Variants in GFM1 observed in about 807,000 individuals in gnomAD.
GFM1 encodes the protein G elongation factor mitochondrial 1, also known as elongation factor G, mitochondrial.
A neutral mutation model predicts 96.2 loss-of-function variants in GFM1; 62 were observed. That is an observed-to-expected ratio of 0.64 (90% CI 0.53 to 0.80). GFM1 has a LOEUF of 0.80. GFM1 is among the 30% of genes least tolerant of loss of function. GFM1 has a pLI of 0.00. For missense variants in GFM1, 852 were observed against 916.6 expected (o/e 0.93, Z 0.91); for synonymous variants, 282 against 312.9 (o/e 0.90, Z 1.04).
Position 158,646,719 on chromosome 3 carries a change from C to G in GFM1, c.368-24C>G, listed in dbSNP as rs1721835417. 1.9e-6 allele frequency: 3 copies of G among 1,593,746 alleles called. No homozygotes were observed. In the East Asian group the frequency reaches 6.7e-5, roughly 36 times the overall value. On this transcript the variant is annotated intron_variant, in intron 3 of 17. Transcript: ENST00000486715. ...AAAAATTCAGATTGCTCTTTAAGAC[C>G]CTCTCATACTTCATCTTATTCAGGG...
At chr3:158,683,714 G>A (rs919090972) in intron 14 of GFM1, among the ~76,000 whole-genome samples, 4 of 152,126 alleles carry the variant, frequency 2.6e-5, no homozygotes, top group Non-Finnish European at 5.9e-5. Context: ...CTTCCTCATT[G>A]TAAAATTAAG....
At chr3:158,682,249 A>G (rs975866894) in intron 14 of GFM1, 92 bp downstream of exon 14, 24 of 1,109,092 alleles carry the variant, frequency 2.2e-5, no homozygotes, top group Admixed American at 1.0e-4. Context: ...CATGTTGTCT[A>G]TCACAGTTTG....
At chr3:158,669,304 G>A in intron 13 of GFM1, 1 of 1,187,340 alleles carries the variant, frequency 8.4e-7, no homozygotes, top group South Asian at 1.6e-5. Flanking sequence ...GATTGGATTA[G>A]AAATGAGTAT....
rs746652722 is a variant in GFM1 at position 158,691,170 on chromosome 3, C to G, written c.2102C>G (p.Thr701Ser). Residue 701 changes from threonine (T) to serine (S), a missense_variant, in exon 17 of 18, where the codon ACT becomes AGT. By Grantham distance (58) the Thr-to-Ser change is moderately conservative. Coordinates refer to ENST00000486715, the MANE Select transcript of GFM1 (RefSeq NM_024996.7). ...VPLNDMFGYSTELRSCTEGKG... is the reference protein window; with the variant it reads ...VPLNDMFGYSSELRSCTEGKG... ...CTAAATGATATGTTTGGTTATTCCACTGAACTTAGGTCATGCACAGAGGTA... is the reference window on the plus strand; with the variant it reads ...CTAAATGATATGTTTGGTTATTCCAGTGAACTTAGGTCATGCACAGAGGTA... 10 of 1,612,616 alleles carry G rather than the reference C, an allele frequency of 6.2e-6. No homozygotes were observed. The highest frequency in any genetic ancestry group is 7.6e-6 in the Non-Finnish European group (9 of 1,178,734).
chr3:158,682,974 G>A (rs1018421836), intron 14 of GFM1, among the ~76,000 whole-genome samples: 13 of 151,774 alleles, frequency 8.6e-5, no homozygotes, highest in Admixed American at 8.5e-4. Flanking sequence ...GATGGAGACT[G>A]TGGTGAGCTG....
rs546301939 is a variant in GFM1, at chr3:158,694,350, T to C, written c.*2883T>C. 1.3e-5 allele frequency among the ~76,000 whole-genome samples: 2 copies of C among 152,328 alleles called. No homozygotes were observed. Among genetic ancestry groups the C allele is most frequent in the South Asian group, 4.1e-4 (2 of 4,828 alleles). ...TAGGAAAAGAAAACCAAATACTGCATGTTCTCACTTATAAGTGGGAGCTAA... is the reference window on the plus strand; with the variant it reads ...TAGGAAAAGAAAACCAAATACTGCACGTTCTCACTTATAAGTGGGAGCTAA... On this transcript the variant is annotated 3_prime_UTR_variant, in exon 18 of 18. Transcript: ENST00000486715.
intron 14 of GFM1, chr3:158,682,443 A>G (rs879369520): frequency 2.8e-6 from 1 of 358,348 alleles, no homozygotes; most frequent in Non-Finnish European, 5.2e-6. Context: ...ATCAATTTGT[A>G]GTAGTTCTTA....
intron 5 of GFM1, 106 bp downstream of exon 5, chr3:158,649,263 A>C (rs1483073782): frequency 3.1e-6 from 2 of 655,692 alleles, no homozygotes; most frequent in African/African-American, 3.7e-5. Context: ...TTGAAATGCG[A>C]CTGCAAGAAT....
In GFM1 at chr3:158,646,851, A is replaced by G. The variant is rs34297061; in HGVS notation, c.476A>G (p.Asn159Ser). The G allele has an allele frequency of 2.4e-3, 3,875 of 1,614,110 alleles. 92 individuals carry two copies. The African/African-American group carries it at 0.045, about 19-fold the overall frequency. Residue 159 changes from asparagine to serine, a missense_variant, in exon 4 of 18, where the codon AAT becomes AGT. By Grantham distance (46) the Asn-to-Ser change is conservative. Coordinates refer to ENST00000486715, the MANE Select transcript of GFM1 (RefSeq NM_024996.7). ...GTACAGTGCCAGACCATGACTGTCA[A>G]TCGTCAGATGAAGCGCTACAACGTT... is the stretch of plus-strand genomic sequence containing the variant. ...GGVQCQTMTVNRQMKRYNVPF... is the reference protein window; with the variant it reads ...GGVQCQTMTVSRQMKRYNVPF...
chr3:158,687,937 T>A (rs1479915821), intron 15 of GFM1, among the ~76,000 whole-genome samples: 1 of 152,138 alleles, frequency 6.6e-6, no homozygotes, highest in Admixed American at 6.5e-5. Context: ...AACTTTTTTT[T>A]TACATACACC....
At chr3:158,646,532 G>A (rs1283027225) in intron 3 of GFM1, among the ~76,000 whole-genome samples, 1 of 152,196 alleles carries the variant, frequency 6.6e-6, no homozygotes, top group African/African-American at 2.4e-5. Context: ...TATTCTAGCT[G>A]ATTCTAAAGG....
intron 13 of GFM1, among the ~76,000 whole-genome samples, chr3:158,677,242 C>T (rs1576779188): frequency 6.6e-6 from 1 of 152,332 alleles, no homozygotes; most frequent in East Asian, 1.9e-4. Flanking sequence ...TGTGCTTGCA[C>T]ATTCTCTCTC....
intron 6 of GFM1, 35 bp from the exon 7 acceptor site, chr3:158,653,275 A>C (rs747535885): frequency 2.6e-6 from 4 of 1,559,964 alleles, no homozygotes; most frequent in Non-Finnish European, 3.5e-6. Context: ...ATGTAATTTT[A>C]ACATTAACTA....
At chr3:158,672,770 T>C in intron 13 of GFM1, 1 of 324,288 alleles carries the variant, frequency 3.1e-6, no homozygotes, top group East Asian at 6.8e-5. Context: ...GAGGCCAGCA[T>C]GCTTGTCAGG....
intron 15 of GFM1, chr3:158,685,264 AAAAAAACTAGTGAC>A (rs1384169208): frequency 6.6e-6 from 1 of 152,390 alleles, no homozygotes; most frequent in Non-Finnish European, 1.5e-5. Flanking sequence ...TTTTAAGAGA[AAAAAAACTAGTGAC>A]AATGTAGCAG....
intron 13 of GFM1, among the ~76,000 whole-genome samples, chr3:158,669,937 C>G (rs1050454821): frequency 3.3e-5 from 5 of 152,196 alleles, no homozygotes; most frequent in Non-Finnish European, 5.9e-5. Context: ...TATACCAACT[C>G]AAGACTGGTT....
At position 158,695,111 on chromosome 3, in the gene GFM1, C is replaced by A. The variant is rs866049240; in HGVS notation, c.*3644C>A. On this transcript the variant is annotated 3_prime_UTR_variant, in exon 18 of 18. Coordinates refer to ENST00000486715, the MANE Select transcript of GFM1 (RefSeq NM_024996.7). The stretch of plus-strand genomic sequence containing the variant: ...TTCTGAGGCCGGATGTGGTGGCTCA[C>A]GCCTGTAATTCCAGCACTTTGGGAG... Among the ~76,000 whole-genome samples the A allele has an allele frequency of 1.3e-5, 2 of 152,198 alleles. No individual in the cohort carries two copies. The highest frequency in any genetic ancestry group is 2.9e-5 in the Non-Finnish European group (2 of 68,036).
intron 14 of GFM1, among the ~76,000 whole-genome samples, chr3:158,683,856 T>C (rs929649160): frequency 2.0e-5 from 3 of 152,206 alleles, no homozygotes; most frequent in African/African-American, 7.2e-5. Context: ...TTAACTAATA[T>C]GCTTTTCCAA....
intron 8 of GFM1, chr3:158,655,831 C>G (rs1410998047): frequency 2.2e-6 from 1 of 456,874 alleles, no homozygotes; most frequent in Non-Finnish European, 4.4e-6. Flanking sequence ...TTTTCCGTCT[C>G]ACTAGACAGA....
Sources: gnomAD v4.1 joint callset for allele counts (sites outside exome capture counted in the v4.1 genomes callset) on GRCh38, gnomAD v4.1.1 for gene constraint, MANE v1.5 for transcripts, NCBI Gene and HGNC (gene_info 2026-07-23, HGNC 2026-07-21) for gene names.